Variants in ADAM28 observed in about 807,000 individuals in gnomAD.
The protein encoded by ADAM28 is disintegrin and metalloproteinase domain-containing protein 28.
ADAM28 carries 105 observed loss-of-function variants against 101.2 expected under a neutral mutation model. The observed-to-expected ratio is 1.04, with a 90% CI of 0.89 to 1.22. ADAM28 has a LOEUF of 1.22. ADAM28 is among the 50% of genes most tolerant of loss of function. The pLI, the probability that ADAM28 is intolerant of heterozygous loss-of-function variation, is 0.00. For synonymous variants in ADAM28, 322 were observed against 310.6 expected, an observed-to-expected ratio of 1.04 and a Z score of -0.39; for missense variants, 1,028 against 945.4, an observed-to-expected ratio of 1.09 and a Z score of -1.15.
In ADAM28 at chr8:24,330,081, C is replaced by T; in HGVS notation, c.1069C>T (p.Pro357Ser). ...MFHDDYSCKC[P>S]STICVMDKAL... is the part of the protein sequence containing the mutation. ...TCATGACGACTATTCTTGCAAGTGT[C>T]CTTCTACAATATGTGTGATGGACAA... Residue 357 changes from proline (P) to serine (S), a missense_variant, in exon 11 of 23, where the codon CCT (proline) becomes TCT (serine). Coordinates refer to ENST00000265769, the MANE Select transcript of ADAM28 (RefSeq NM_014265.6). 1 of 1,613,614 alleles carries T rather than the reference C, an allele frequency of 6.2e-7. No homozygotes were observed. Among genetic ancestry groups the T allele is most frequent in the Non-Finnish European group, 8.5e-7 (1 of 1,179,738 alleles).
intron 5 of ADAM28, among the ~76,000 whole-genome samples, chr8:24,312,812 T>C (rs1484500166): frequency 6.6e-6 from 1 of 152,142 alleles, no homozygotes; most frequent in Non-Finnish European, 1.5e-5. Context: ...GAATGAACCC[T>C]GGTTCAAGGC....
At chr8:24,319,328 C>T (rs1164479065) in intron 6 of ADAM28, among the ~76,000 whole-genome samples, 1 of 151,960 alleles carries the variant, frequency 6.6e-6, no homozygotes, top group African/African-American at 2.4e-5. Context: ...TTTAATCCTT[C>T]ACATAGTACT....
At chr8:24,341,410 T>G in intron 15 of ADAM28, 188 bp from the exon 16 acceptor site, 1 of 587,496 alleles carries the variant, frequency 1.7e-6, no homozygotes. Context: ...TACTGTTTAT[T>G]TGAGCAATAA....
At chr8:24,308,723 AT>A in intron 2 of ADAM28, 1 of 456,166 alleles carries the variant, frequency 2.2e-6, no homozygotes, top group South Asian at 1.5e-5. Context: ...ATAGCCTGGG[AT>A]TACTGACAGC....
intron 7 of ADAM28, 69 bp downstream of exon 7, chr8:24,320,376 A>T (rs1336842193): frequency 1.1e-5 from 11 of 1,011,964 alleles, no homozygotes; most frequent in Non-Finnish European, 6.0e-6. Context: ...ATTATGTGAG[A>T]CATTAAATAT....
intron 5 of ADAM28, among the ~76,000 whole-genome samples, chr8:24,312,077 G>C (rs1473838257): frequency 6.6e-6 from 1 of 152,042 alleles, no homozygotes; most frequent in Non-Finnish European, 1.5e-5. Flanking sequence ...TCTCTCTCTA[G>C]ATTGCCTTAT....
At chr8:24,311,707 A>G (rs1411608508) in intron 5 of ADAM28, among the ~76,000 whole-genome samples, 1 of 152,074 alleles carries the variant, frequency 6.6e-6, no homozygotes, top group Non-Finnish European at 1.5e-5. Context: ...ATCTTTAGGT[A>G]ATGGGAGCTG....
At chr8:24,313,659 A>T in intron 6 of ADAM28, 79 bp downstream of exon 6, 2 of 1,422,748 alleles carry the variant, frequency 1.4e-6, no homozygotes, top group Non-Finnish European at 1.9e-6. Flanking sequence ...AATTTACTGA[A>T]ACTATAGTCA....
intron 9 of ADAM28, 76 bp downstream of exon 9, chr8:24,324,079 G>T: frequency 7.0e-7 from 1 of 1,432,216 alleles, no homozygotes. Context: ...CAAAGTGAGG[G>T]GTGCACATAG....
intron 22 of ADAM28, 94 bp downstream of exon 22, chr8:24,353,926 T>C: frequency 1.2e-6 from 1 of 834,906 alleles, no homozygotes; most frequent in Non-Finnish European, 1.9e-6. Flanking sequence ...AAAAACTTAC[T>C]AAGAACAGTA....
chr8:24,309,402 C>T (rs1223935489), intron 2 of ADAM28, among the ~76,000 whole-genome samples: 1 of 152,078 alleles, frequency 6.6e-6, no homozygotes, highest in African/African-American at 2.4e-5. Flanking sequence ...AGTTAACTTC[C>T]CTTACTCACT....
At chr8:24,353,909 T>C in intron 22 of ADAM28, 77 bp downstream of exon 22, 2 of 1,081,790 alleles carry the variant, frequency 1.8e-6, no homozygotes, top group South Asian at 1.6e-5. Flanking sequence ...ACCATGTCTT[T>C]TTAGAAAAAA....
intron 2 of ADAM28, among the ~76,000 whole-genome samples, chr8:24,301,973 A>G (rs1037187551): frequency 3.3e-5 from 5 of 152,198 alleles, no homozygotes; most frequent in Non-Finnish European, 7.4e-5. Flanking sequence ...ATACATGTGC[A>G]GAATGTGCAG....
chr8:24,335,799 G>T, intron 14 of ADAM28, 158 bp downstream of exon 14: 1 of 1,290,648 alleles, frequency 7.7e-7, no homozygotes, highest in Non-Finnish European at 9.8e-7. Flanking sequence ...TGGTTTTAGG[G>T]TTGCTAGATT....
intron 9 of ADAM28, among the ~76,000 whole-genome samples, chr8:24,325,870 G>GAAAAAAAAA (rs1255708868): frequency 1.1e-3 from 2 of 1,798 alleles, no homozygotes; most frequent in Non-Finnish European, 1.9e-3. Flanking sequence ...TGTACAGATA[G>GAAAAAAAAA]CAAAAAAAAA....
chr8:24,331,304 G>C lies in ADAM28; in HGVS notation c.1258G>C (p.Asp420His). The C allele has an allele frequency of 6.2e-7, 1 of 1,609,398 alleles. No individual in the cohort carries two copies. The highest frequency in any genetic ancestry group is 8.5e-7 in the Non-Finnish European group (1 of 1,178,016). Reference protein sequence around the residue: ...CGNQLVEMGEDCDCGTSEECT... With the variant: ...CGNQLVEMGEHCDCGTSEECT... ...GAACCAGTTGGTGGAAATGGGAGAG[G>C]ACTGTGATTGTGGGACATCTGAGGT... The change falls in exon 12 of 23, where the codon GAC (aspartate) becomes CAC (histidine). Residue 420 changes from aspartate to histidine, a missense_variant. By Grantham distance (81) the Asp-to-His change is moderately conservative. Transcript: ENST00000265769.
chr8:24,312,850 GATA>G (rs949408343), intron 5 of ADAM28, among the ~76,000 whole-genome samples: 1 of 152,096 alleles, frequency 6.6e-6, no homozygotes, highest in African/African-American at 2.4e-5. Flanking sequence ...AGAAGAAATT[GATA>G]ATATTTATTT....
chr8:24,311,287 G>C, intron 4 of ADAM28, 74 bp from the exon 5 acceptor site: 3 of 1,150,994 alleles, frequency 2.6e-6, no homozygotes. Flanking sequence ...CCTGTTTCAA[G>C]ATTTCAGATG....
At chr8:24,298,084 A>T (rs1488792256) in intron 1 of ADAM28, among the ~76,000 whole-genome samples, 1 of 152,172 alleles carries the variant, frequency 6.6e-6, no homozygotes, top group African/African-American at 2.4e-5. Context: ...GAAAGAGGTT[A>T]TAGGGGATTC....
Sources: allele counts gnomAD v4.1 joint callset (sites outside exome capture counted in the v4.1 genomes callset), GRCh38; gene constraint gnomAD v4.1.1; transcripts MANE v1.5; gene names NCBI Gene and HGNC (gene_info 2026-07-23, HGNC 2026-07-21).